Variants in ACTA2 observed in about 807,000 individuals in gnomAD.
ACTA2 encodes actin, aortic smooth muscle.
In ACTA2, 12 loss-of-function variants were observed where a neutral mutation model predicts 39.5. That is an observed-to-expected ratio of 0.30 (90% confidence interval 0.19 to 0.49). ACTA2 has a LOEUF of 0.49. ACTA2 is among the 20% of genes least tolerant of loss of function. The pLI, the probability that ACTA2 is intolerant of heterozygous loss-of-function variation, is 0.99. For missense variants in ACTA2, 236 were observed against 498.8 expected (o/e 0.47, Z 5.02); for synonymous variants, 158 against 180.6 (o/e 0.88, Z 1.00).
At chr10:88,982,309 A>G (rs17375284) in intron 1 of ACTA2, among the ~76,000 whole-genome samples, 6,296 of 152,348 alleles carry the variant, frequency 0.041, 193 homozygotes, top group Non-Finnish European at 0.065. Flanking sequence ...ATCTAAATGA[A>G]GAGGTATTAT....
At chr10:88,942,714 C>T (rs1845878437) in intron 4 of ACTA2, among the ~76,000 whole-genome samples, 1 of 151,926 alleles carries the variant, frequency 6.6e-6, no homozygotes. Flanking sequence ...TGTCTGACAT[C>T]ATTTGCTAGC....
At chr10:88,989,616 GA>G (rs1245612406) in intron 1 of ACTA2, 1 of 533,536 alleles carries the variant, frequency 1.9e-6, no homozygotes, top group Non-Finnish European at 3.7e-6. Flanking sequence ...CAGGGTGATG[GA>G]AAGCCCTCAG....
At chr10:88,940,066 T>G (rs1182960261) in intron 6 of ACTA2, 2 of 301,144 alleles carry the variant, frequency 6.6e-6, no homozygotes, top group Non-Finnish European at 1.3e-5. Flanking sequence ...TGACAGAAAG[T>G]TTGTTATATT....
At chr10:88,961,337 T>C (rs1204082402) in intron 1 of ACTA2, among the ~76,000 whole-genome samples, 2 of 152,182 alleles carry the variant, frequency 1.3e-5, no homozygotes, top group African/African-American at 2.4e-5. Flanking sequence ...TCAGGGCTAT[T>C]ATAGAAAAGG....
chr10:88,948,913 G>A lies in ACTA2; in HGVS notation c.18C>T (p.Asp6=), dbSNP rs1057522967. The A allele has an allele frequency of 6.2e-7, 1 of 1,613,734 alleles. No individual in the cohort carries two copies. The highest frequency in any genetic ancestry group is 1.3e-5 in the African/African-American group (1 of 74,890). The change falls in exon 2 of 9, where the codon GAC becomes GAT. Residue 6 remains aspartate, a synonymous_variant. Transcript: ENST00000224784. The stretch of plus-strand genomic sequence containing the variant: ...CATTGTCACACACCAAGGCAGTGCT[G>A]TCCTCTTCTTCACACATAGCTGGAG... MCEEE[D]STALVCDNGS...
At chr10:88,951,538 T>G (rs1055952171) in intron 1 of ACTA2, among the ~76,000 whole-genome samples, 3 of 151,682 alleles carry the variant, frequency 2.0e-5, no homozygotes, top group Admixed American at 6.6e-5. Context: ...CTAGGAAGAA[T>G]GTTATAATGT....
At chr10:88,957,068 C>A (rs909824932), upstream of ACTA2, among the ~76,000 whole-genome samples, 1 of 152,140 alleles carries the variant, frequency 6.6e-6, no homozygotes, top group Non-Finnish European at 1.5e-5. Context: ...TTTTGGGAGA[C>A]ATATTAAGAT....
chr10:88,941,964 T>C, intron 4 of ACTA2, 95 bp from the exon 5 acceptor site: 2 of 1,169,910 alleles, frequency 1.7e-6, no homozygotes, highest in Non-Finnish European at 2.5e-6. Context: ...CAGAGGGGCC[T>C]GACCTGTTCT....
intron 1 of ACTA2, among the ~76,000 whole-genome samples, chr10:88,963,286 G>C (rs1269758021): frequency 4.6e-5 from 7 of 151,910 alleles, no homozygotes; most frequent in African/African-American, 1.7e-4. Context: ...TAATGTCTTA[G>C]TGTAAATTTA....
At chr10:88,983,785 T>A (rs1177549614) in intron 1 of ACTA2, among the ~76,000 whole-genome samples, 1 of 152,210 alleles carries the variant, frequency 6.6e-6, no homozygotes, top group African/African-American at 2.4e-5. Flanking sequence ...AAAATAAGTT[T>A]GAAGAAATTT....
intron 2 of ACTA2, chr10:88,948,099 G>T (rs1845985889): frequency 6.4e-6 from 1 of 156,512 alleles, no homozygotes; most frequent in African/African-American, 2.4e-5. Context: ...AGCGGCTTGT[G>T]CAGAATATCT....
At chr10:88,967,845 A>G (rs571133579) in intron 1 of ACTA2, among the ~76,000 whole-genome samples, 1 of 152,338 alleles carries the variant, frequency 6.6e-6, no homozygotes, top group African/African-American at 2.4e-5. Flanking sequence ...ATGGTTGGCA[A>G]AGTTGTTCCC....
chr10:88,973,594 T>C (rs958140808), intron 1 of ACTA2: 18 of 257,948 alleles, frequency 7.0e-5, no homozygotes, highest in Non-Finnish European at 1.0e-4. Flanking sequence ...ATCTTTAACA[T>C]AGACCATTCA....
Position 88,974,363 on chromosome 10 carries a change from T to C in ACTA2, c.-24+16576A>G, listed in dbSNP as rs199764235. On this transcript the variant is annotated intron_variant, in intron 1 of 4. Transcript: ENST00000415557. ...ATGTCTAAAGATTTTGCACTTCAAA[T>C]TGGTACTTTATGTATTAAAAGTGAT... 3.9e-5 allele frequency: 6 copies of C among 152,266 alleles called. No homozygotes were observed. In the East Asian group the frequency reaches 9.6e-4, roughly 24 times the overall value. The allele number at this position is 152,266 out of a possible 1,614,324, so 9.4% of individuals were successfully genotyped here. A position where few individuals can be genotyped will look rare whatever the true frequency, so the allele number is the denominator to read the frequency against.
chr10:88,973,355 A>G, intron 1 of ACTA2: 1 of 1,486,464 alleles, frequency 6.7e-7, no homozygotes, highest in Non-Finnish European at 9.0e-7. Flanking sequence ...TAGGTAATCC[A>G]AGAATTGCCA....
Position 88,945,412 on chromosome 10 carries a change from G to C in ACTA2, c.259-1505C>G, listed in dbSNP as rs552676968. Reference sequence around the variant, plus strand: ...GTATTTTTCTTTTAAGTGATAAATTGTGTGCGTAGTAGTAGTAGTGAGCCG... The same window carrying C: ...GTATTTTTCTTTTAAGTGATAAATTCTGTGCGTAGTAGTAGTAGTGAGCCG... On this transcript the variant is annotated intron_variant, in intron 3 of 8. Coordinates refer to ENST00000224784, the MANE Select transcript of ACTA2 (RefSeq NM_001613.4). Among the ~76,000 whole-genome samples the C allele has an allele frequency of 3.3e-5, 5 of 152,298 alleles. No individual in the cohort carries two copies. In the South Asian group the frequency reaches 1.0e-3, roughly 32 times the overall value.
At chr10:88,958,395 C>G (rs749255626) in intron 1 of ACTA2, among the ~76,000 whole-genome samples, 1 of 152,198 alleles carries the variant, frequency 6.6e-6, no homozygotes, top group African/African-American at 2.4e-5. Flanking sequence ...TTAATCCTCA[C>G]AGCAGCCATA....
chr10:88,941,143 T>C, intron 6 of ACTA2, 86 bp downstream of exon 6: 1 of 1,561,802 alleles, frequency 6.4e-7, no homozygotes, highest in Non-Finnish European at 8.8e-7. Context: ...CTTCATCCCA[T>C]CATCTCCTTG....
At chr10:88,989,353 A>C in intron 1 of ACTA2, 1 of 222,326 alleles carries the variant, frequency 4.5e-6, no homozygotes. Context: ...ACATTTTTTT[A>C]TTTAAATGAA....
Sources: allele counts gnomAD v4.1 joint callset (sites outside exome capture counted in the v4.1 genomes callset), GRCh38; gene constraint gnomAD v4.1.1; transcripts MANE v1.5; gene names NCBI Gene and HGNC (gene_info 2026-07-23, HGNC 2026-07-21).